IGF2: variants seen among roughly 807,000 people sequenced by gnomAD.
IGF2 encodes insulin like growth factor 2, also known as insulin-like growth factor 2.
IGF2 carries 2 observed loss-of-function variants against 12.0 expected under a neutral mutation model. The observed-to-expected ratio is 0.17, with a 90% confidence interval of 0.07 to 0.52. IGF2 has a LOEUF of 0.52. Among genes scored for constraint, IGF2 ranks in the 20% least tolerant of loss-of-function variants. The pLI is 0.95. For missense variants in IGF2, 211 were observed against 268.0 expected (o/e 0.79, Z 1.48); for synonymous variants, 105 against 110.1 (o/e 0.95, Z 0.29).
At chr11:2,137,463 A>T (rs1859153621) in intron 1 of IGF2, among the ~76,000 whole-genome samples, 1 of 143,380 alleles carries the variant, frequency 7.0e-6, no homozygotes, top group Non-Finnish European at 1.5e-5. Context: ...GCCCTGGACC[A>T]TCCCGTAGCG....
chr11:2,138,502 G>T lies in IGF2; in HGVS notation c.-280C>A. On this transcript the variant is annotated 5_prime_UTR_variant, in exon 1 of 4. In the 5' UTR this introduces an upstream ATG that the reference lacks. Coordinates refer to ENST00000416167, the MANE Select transcript of IGF2 (RefSeq NM_000612.6). The stretch of plus-strand genomic sequence containing the variant: ...GAAAAGGTATCGGGAAATGAGGTCA[G>T]CTGTTGTATCAAGGATAGAGGGGGG... 1.1e-6 allele frequency: 1 copy of T among 910,422 alleles called. No homozygotes were observed. Among genetic ancestry groups the T allele is most frequent in the Non-Finnish European group, 1.3e-6 (1 of 771,572 alleles). The allele number at this position is 910,422 out of a possible 1,614,324, so 56.4% of individuals were successfully genotyped here. A position where few individuals can be genotyped will look rare whatever the true frequency, so the allele number is the denominator to read the frequency against.
At chr11:2,141,071 C>G (rs1191518892), upstream of IGF2, 1 of 235,460 alleles carries the variant, frequency 4.2e-6, no homozygotes, top group African/African-American at 2.4e-5. Flanking sequence ...TTCCTGGACA[C>G]GGGGAAGCCC....
rs774947322 is a variant in IGF2 at position 2,133,628 on chromosome 11, G to A, written c.195C>T (p.Gly65=). 4 of 1,612,942 alleles carry A rather than the reference G, an allele frequency of 2.5e-6. No homozygotes were observed. The highest frequency in any genetic ancestry group is 2.5e-6 in the Non-Finnish European group (3 of 1,180,010). Reference sequence around the variant, plus strand: ...TGCGGAAACAGCACTCCTCAACGATGCCACGGCTGCGACGGCTCACACGGC... The same window carrying A: ...TGCGGAAACAGCACTCCTCAACGATACCACGGCTGCGACGGCTCACACGGC... The part of the protein sequence containing the change: ...PASRVSRRSR[G]IVEECCFRSC... Residue 65 remains glycine (G), a synonymous_variant, in exon 3 of 4, where the codon GGC becomes GGT. Coordinates refer to ENST00000416167, the MANE Select transcript of IGF2 (RefSeq NM_000612.6). The surrounding 1 kb of genome is among the most constrained non-coding windows in gnomAD (Gnocchi z 8.9).
chr11:2,133,305 C>A lies in IGF2; in HGVS notation c.307-82G>T, dbSNP rs1858749437. 1.8e-6 allele frequency: 2 copies of A among 1,084,420 alleles called. No individual in the cohort carries two copies. The highest frequency in any genetic ancestry group is 3.2e-5 in the South Asian group (2 of 62,378). The allele number at this position is 1,084,420 out of a possible 1,614,324, so 67.2% of individuals were successfully genotyped here. A position where few individuals can be genotyped will look rare whatever the true frequency, so the allele number is the denominator to read the frequency against. Reference sequence around the variant, plus strand: ...GCCGCCCGCCTGACCTGACAGGCCACCCCTGTGACTGATCAGTGACTTGAG... The same window carrying A: ...GCCGCCCGCCTGACCTGACAGGCCAACCCTGTGACTGATCAGTGACTTGAG... On this transcript the variant is annotated intron_variant, in intron 3 of 3. Coordinates refer to ENST00000416167, the MANE Select transcript of IGF2 (RefSeq NM_000612.6). This position sits in a 1 kb window ranked among gnomAD's most constrained non-coding sequence, Gnocchi z 8.9.
At chr11:2,140,330 T>A, upstream of IGF2, 1 of 1,593,748 alleles carries the variant, frequency 6.3e-7, no homozygotes, top group South Asian at 1.1e-5. Context: ...AAGAAAGCAC[T>A]GTGATTTTTA....
chr11:2,139,076 C>A lies in IGF2; in HGVS notation c.-854G>T, dbSNP rs1859336845. The A allele has an allele frequency of 4.4e-6, 1 of 226,656 alleles. No homozygotes were observed. The highest frequency in any genetic ancestry group is 1.6e-4 in the South Asian group (1 of 6,252). The allele number at this position is 226,656 out of a possible 1,614,324, so 14.0% of individuals were successfully genotyped here. On this transcript the variant is annotated 5_prime_UTR_variant, in exon 1 of 4. Transcript: ENST00000416167. ...GGAGGGGGAGCGCGGGGGGGGGTGA[C>A]AACGCCGGCGGCCTGCGAGCCGGAC...
upstream of IGF2, among the ~76,000 whole-genome samples, chr11:2,142,286 A>T (rs2133622648): frequency 6.6e-6 from 1 of 152,170 alleles, no homozygotes; most frequent in East Asian, 1.9e-4. The surrounding 1 kb of genome is among the most constrained non-coding windows in gnomAD (Gnocchi z 5.7). Context: ...ACAATACCGC[A>T]ATTTGGGGGC....
Position 2,133,767 on chromosome 11 carries a change from C to A in IGF2, c.158-102G>T. The A allele has an allele frequency of 7.1e-7, 1 of 1,409,808 alleles. No individual in the cohort carries two copies. Among genetic ancestry groups the A allele is most frequent in the Non-Finnish European group, 9.7e-7 (1 of 1,034,168 alleles). The allele number at this position is 1,409,808 out of a possible 1,614,324, so 87.3% of individuals were successfully genotyped here. A position where few individuals can be genotyped will look rare whatever the true frequency, so the allele number is the denominator to read the frequency against. ...AACCACCCCTGCCCTCAGGCCAGGC[C>A]CTGGAAGGACGCAGCCACCCTGCGG... On this transcript the variant is annotated intron_variant, in intron 2 of 3. Transcript: ENST00000416167. The surrounding 1 kb of genome is among the most constrained non-coding windows in gnomAD (Gnocchi z 8.9).
chr11:2,133,805 A>G lies in IGF2; in HGVS notation c.158-140T>C, dbSNP rs1858798013. Reference sequence around the variant, plus strand: ...AGCCACCCTGCGGGTCAGGGGAGGGAAGTGAGAGCTGGCAGGCAGAGGCGT... The same window carrying G: ...AGCCACCCTGCGGGTCAGGGGAGGGGAGTGAGAGCTGGCAGGCAGAGGCGT... On this transcript the variant is annotated intron_variant, in intron 2 of 3. Transcript: ENST00000416167. This position sits in a 1 kb window ranked among gnomAD's most constrained non-coding sequence, Gnocchi z 8.9. 4 of 1,011,362 alleles carry G rather than the reference A, an allele frequency of 4.0e-6. No homozygotes were observed. Among genetic ancestry groups the G allele is most frequent in the Admixed American group, 2.8e-5 (1 of 36,004 alleles). 62.6% of individuals were successfully genotyped at this position (1,011,362 alleles called of 1,614,324 possible). A position where few individuals can be genotyped will look rare whatever the true frequency, so the allele number is the denominator to read the frequency against.
chr11:2,129,664 G>C lies in IGF2; in HGVS notation c.*3323C>G, dbSNP rs1174093208. 3 of 231,496 alleles carry C rather than the reference G, an allele frequency of 1.3e-5. No homozygotes were observed. The highest frequency in any genetic ancestry group is 6.6e-5 in the African/African-American group (3 of 45,230). 14.3% of individuals were successfully genotyped at this position (231,496 alleles called of 1,614,324 possible). A position where few individuals can be genotyped will look rare whatever the true frequency, so the allele number is the denominator to read the frequency against. ...ATGTTCCGAATGGCCCACTCACAGGGCGCTTGCCGAGGGACCCTCTGCGAC... is the reference window on the plus strand; with the variant it reads ...ATGTTCCGAATGGCCCACTCACAGGCCGCTTGCCGAGGGACCCTCTGCGAC... On this transcript the variant is annotated 3_prime_UTR_variant, in exon 4 of 4. Coordinates refer to ENST00000416167, the MANE Select transcript of IGF2 (RefSeq NM_000612.6). The surrounding 1 kb of genome is among the most constrained non-coding windows in gnomAD (Gnocchi z 8.1).
the IGF2 span, chr11:2,149,468 T>TCA: frequency 1.2e-6 from 1 of 811,630 alleles, no homozygotes; most frequent in Non-Finnish European, 2.0e-6. Context: ...GGTTTACCCC[T>TCA]CACCTCCTCA....
At chr11:2,144,627 G>C (rs553385495), upstream of IGF2, among the ~76,000 whole-genome samples, 2 of 152,334 alleles carry the variant, frequency 1.3e-5, no homozygotes, top group South Asian at 4.1e-4. Context: ...GTCCACTCCG[G>C]CTGGGGAAAG....
Position 2,131,406 on chromosome 11 carries a change from A to G in IGF2, c.*1581T>C. ...TTGCTTAGATATGCTTATTGTTTTC[A>G]TCCAATTTTGTGGGGGTGTGCGTGT... On this transcript the variant is annotated 3_prime_UTR_variant, in exon 4 of 4. Coordinates refer to ENST00000416167, the MANE Select transcript of IGF2 (RefSeq NM_000612.6). 1 of 233,250 alleles carries G rather than the reference A, an allele frequency of 4.3e-6. No homozygotes were observed. Among genetic ancestry groups the G allele is most frequent in the Non-Finnish European group, 8.5e-6 (1 of 118,092 alleles). 14.4% of individuals were successfully genotyped at this position (233,250 alleles called of 1,614,324 possible).
At chr11:2,135,559 G>A in intron 1 of IGF2, 30 bp from the exon 2 acceptor site, 1 of 1,597,116 alleles carries the variant, frequency 6.3e-7, no homozygotes, top group Non-Finnish European at 8.6e-7. Flanking sequence ...GGCGTGAGCG[G>A]GGCAGCCAGG....
upstream of IGF2, chr11:2,141,290 A>T (rs1211054702): frequency 1.3e-5 from 2 of 152,512 alleles, no homozygotes; most frequent in Non-Finnish European, 2.9e-5. Context: ...CGCAAGGCAG[A>T]GTTCTTTCTG....
At chr11:2,147,921 G>A in the IGF2 span, 1 of 741,748 alleles carries the variant, frequency 1.3e-6, no homozygotes, top group Non-Finnish European at 1.9e-6. The surrounding 1 kb of genome is among the most constrained non-coding windows in gnomAD (Gnocchi z 7.2). Context: ...GTTCCTTCAG[G>A]TCACCTTGTC....
chr11:2,129,253 C>T lies in IGF2; in HGVS notation c.*3734G>A, dbSNP rs184965397. The T allele has an allele frequency of 1.0e-4, 21 of 206,004 alleles. No homozygotes were observed. Among genetic ancestry groups the T allele is most frequent in the East Asian group, 2.9e-4 (4 of 13,686 alleles). The allele number at this position is 206,004 out of a possible 1,614,324, so 12.8% of individuals were successfully genotyped here. On this transcript the variant is annotated 3_prime_UTR_variant, in exon 4 of 4. Coordinates refer to ENST00000416167, the MANE Select transcript of IGF2 (RefSeq NM_000612.6). The surrounding 1 kb of genome is among the most constrained non-coding windows in gnomAD (Gnocchi z 8.1). ...ACACGGGCCGCAAGGTGGACCGAGG[C>T]GGCAGGCACAGGTGACATTCAGTGT...
chr11:2,149,131 C>T, the IGF2 span: 1 of 1,613,208 alleles, frequency 6.2e-7, no homozygotes. Flanking sequence ...GTTACCTGTA[C>T]TCTAGTCCCT....
At chr11:2,145,951 A>C (rs77453433), upstream of IGF2, among the ~76,000 whole-genome samples, 877 of 152,104 alleles carry the variant, frequency 5.8e-3, 13 homozygotes, top group African/African-American at 0.02. Flanking sequence ...TCCCGCCAGC[A>C]GTCCAAGGGT....
Sources: allele counts gnomAD v4.1 joint callset (sites outside exome capture counted in the v4.1 genomes callset), GRCh38; gene constraint gnomAD v4.1.1; non-coding constraint Gnocchi (gnomAD v3.1); transcripts MANE v1.5; gene names NCBI Gene and HGNC (gene_info 2026-07-23, HGNC 2026-07-21).